CIB1: variants seen among roughly 807,000 people sequenced by gnomAD.
CIB1 encodes calcium and integrin-binding protein 1.
In CIB1, 19 loss-of-function variants were observed where a neutral mutation model predicts 25.0. That is an observed-to-expected ratio of 0.76 (90% CI 0.53 to 1.12). The LOEUF (loss-of-function observed/expected upper bound fraction) is 1.12, where lower values mean the gene tolerates loss of function less well. Ranked by LOEUF, CIB1 falls within the 50% of genes most tolerant of loss-of-function variation. The pLI, the probability that CIB1 is intolerant of heterozygous loss-of-function variation, is 0.00. For missense variants in CIB1, 236 were observed against 242.6 expected (o/e 0.97, Z 0.18); for synonymous variants, 104 against 98.5 (o/e 1.06, Z -0.33).
chr15:90,245,588 T>C, the CIB1 span: 5 of 152,204 alleles, frequency 3.3e-5, no homozygotes, highest in African/African-American at 1.2e-4. Flanking sequence ...AGCTTTTGCA[T>C]GCATAAGCTC....
the CIB1 span, among the ~76,000 whole-genome samples, chr15:90,248,209 C>G: frequency 6.6e-6 from 1 of 152,082 alleles, no homozygotes; most frequent in Admixed American, 6.6e-5. Flanking sequence ...CTTGCTGATT[C>G]TATGAAAGAT....
chr15:90,255,930 A>G, the CIB1 span: 3 of 1,613,194 alleles, frequency 1.9e-6, no homozygotes, highest in Non-Finnish European at 1.7e-6. Flanking sequence ...GGGGGAGGAA[A>G]AGGGTCGCTC....
At chr15:90,258,303 G>T in the CIB1 span, 1 of 1,589,092 alleles carries the variant, frequency 6.3e-7, no homozygotes, top group Admixed American at 1.7e-5. Flanking sequence ...GCAAAACCAA[G>T]GTCCAGAGGC....
At chr15:90,241,517 C>T in the CIB1 span, 7 of 1,613,560 alleles carry the variant, frequency 4.3e-6, no homozygotes, top group South Asian at 3.3e-5. Flanking sequence ...GCTTCCGTGT[C>T]GGCTTCAACA....
At chr15:90,255,698 C>G in the CIB1 span, 1 of 1,611,878 alleles carries the variant, frequency 6.2e-7, no homozygotes, top group South Asian at 1.1e-5. Flanking sequence ...CTGGGATGCC[C>G]AGGTGCTAGG....
At chr15:90,251,464 A>C in the CIB1 span, 4 of 1,305,790 alleles carry the variant, frequency 3.1e-6, no homozygotes, top group Non-Finnish European at 4.4e-6. Flanking sequence ...GAGAAAAGGA[A>C]TTGTGTTGTG....
At chr15:90,258,009 G>A in the CIB1 span, 16 of 1,604,698 alleles carry the variant, frequency 1.0e-5, no homozygotes, top group South Asian at 1.7e-4. Flanking sequence ...CCTAGAAACT[G>A]GCCTTCCTCT....
intron 3 of CIB1, 63 bp from the exon 4 acceptor site, chr15:90,231,570 C>CCCAGCACT: frequency 6.4e-7 from 1 of 1,572,912 alleles, no homozygotes; most frequent in Non-Finnish European, 8.6e-7. Context: ...CTACCAGAAA[C>CCCAGCACT]TTGAGAGAGC....
the CIB1 span, chr15:90,258,527 C>G: frequency 1.6e-6 from 1 of 614,198 alleles, no homozygotes; most frequent in South Asian, 2.0e-5. Flanking sequence ...TAGGGACACA[C>G]TATCTAGAGA....
chr15:90,264,385 A>C, the CIB1 span, among the ~76,000 whole-genome samples: 1 of 152,136 alleles, frequency 6.6e-6, no homozygotes, highest in East Asian at 1.9e-4. Flanking sequence ...TTTGCCACGT[A>C]GCCCAGGCTG....
the CIB1 span, chr15:90,262,526 C>G: frequency 1.3e-6 from 2 of 1,523,330 alleles, no homozygotes; most frequent in Non-Finnish European, 1.8e-6. Context: ...TAAGCAGGAA[C>G]AGCAGGAGAC....
chr15:90,262,848 C>T, the CIB1 span: 1 of 1,297,512 alleles, frequency 7.7e-7, no homozygotes, highest in Non-Finnish European at 1.0e-6. Flanking sequence ...GCAAAAGGAA[C>T]CTTCCTGGGT....
intron 2 of CIB1, among the ~76,000 whole-genome samples, chr15:90,233,363 A>G (rs1962549645): frequency 6.6e-6 from 1 of 152,258 alleles, no homozygotes; most frequent in Admixed American, 6.5e-5. Flanking sequence ...CCACTGGGCA[A>G]GGTCGGCCCC....
At chr15:90,235,173 C>T (rs1962606294), upstream of CIB1, among the ~76,000 whole-genome samples, 1 of 152,162 alleles carries the variant, frequency 6.6e-6, no homozygotes, top group African/African-American at 2.4e-5. Flanking sequence ...CCCTAGACTG[C>T]CTAGGAATCT....
At chr15:90,261,922 G>A in the CIB1 span, 1 of 1,140,940 alleles carries the variant, frequency 8.8e-7, no homozygotes, top group Non-Finnish European at 1.2e-6. Context: ...CAGCAGGAGG[G>A]TCTCCAAACC....
the CIB1 span, among the ~76,000 whole-genome samples, chr15:90,247,109 G>C: frequency 1.3e-5 from 2 of 151,658 alleles, no homozygotes; most frequent in Non-Finnish European, 2.9e-5. Flanking sequence ...CTGAATAGCT[G>C]AGACTACAGG....
At chr15:90,240,813 CA>C in the CIB1 span, 10,770 of 654,082 alleles carry the variant, frequency 0.016, no homozygotes, top group East Asian at 0.025. Context: ...GACTCCATCT[CA>C]AAAAAAAAAA....
the CIB1 span, among the ~76,000 whole-genome samples, chr15:90,264,445 A>G: frequency 6.6e-6 from 1 of 152,202 alleles, no homozygotes; most frequent in African/African-American, 2.4e-5. Context: ...TGCTAGGATT[A>G]CAGGTGTAAG....
At chr15:90,246,328 T>G in the CIB1 span, among the ~76,000 whole-genome samples, 3 of 152,070 alleles carry the variant, frequency 2.0e-5, no homozygotes, top group East Asian at 5.8e-4. Flanking sequence ...CAGGGCCTCA[T>G]GTACTAAGAG....
Sources: gnomAD v4.1 joint callset for allele counts (sites outside exome capture counted in the v4.1 genomes callset) on GRCh38, gnomAD v4.1.1 for gene constraint, MANE v1.5 for transcripts, NCBI Gene and HGNC (gene_info 2026-07-23, HGNC 2026-07-21) for gene names.